GTF2F2: variants seen among roughly 807,000 people sequenced by gnomAD.
GTF2F2 encodes the protein general transcription factor IIF subunit 2, also known as ATP-dependent helicase GTF2F2.
A neutral mutation model predicts 42.2 loss-of-function variants in GTF2F2; 23 were observed. That is an observed-to-expected ratio of 0.55 (90% confidence interval 0.39 to 0.77). The LOEUF (loss-of-function observed/expected upper bound fraction) is 0.77. GTF2F2 is among the 30% of genes least tolerant of loss of function. The pLI, the probability that GTF2F2 is intolerant of heterozygous loss-of-function variation, is 0.00. For missense variants in GTF2F2, 261 were observed against 287.2 expected (o/e 0.91, Z 0.66); for synonymous variants, 105 against 100.8 (o/e 1.04, Z -0.25).
At chr13:45,261,231 C>G (rs1043072006) in intron 6 of GTF2F2, among the ~76,000 whole-genome samples, 1 of 152,000 alleles carries the variant, frequency 6.6e-6, no homozygotes, top group Non-Finnish European at 1.5e-5. Flanking sequence ...TCAAGACCAT[C>G]CTGGCTAACA....
intron 5 of GTF2F2, among the ~76,000 whole-genome samples, chr13:45,245,663 G>A (rs1355296650): frequency 9.8e-6 from 1 of 102,426 alleles, no homozygotes; most frequent in Non-Finnish European, 1.9e-5. Flanking sequence ...ATTCCATGGT[G>A]TGAATATATA....
chr13:45,207,200 C>T (rs1252593570), intron 4 of GTF2F2: 2 of 455,360 alleles, frequency 4.4e-6, no homozygotes, highest in Non-Finnish European at 7.9e-6. Flanking sequence ...GGCAAAGGGC[C>T]ACAGCAGCCT....
intron 7 of GTF2F2, among the ~76,000 whole-genome samples, chr13:45,276,534 TC>T (rs1367393827): frequency 6.6e-6 from 1 of 152,062 alleles, no homozygotes; most frequent in African/African-American, 2.4e-5. Flanking sequence ...CCTCCCGAGT[TC>T]AAGTGATTCT....
chr13:45,163,465 G>A (rs1871129131), intron 4 of GTF2F2, among the ~76,000 whole-genome samples: 1 of 152,042 alleles, frequency 6.6e-6, no homozygotes, highest in Non-Finnish European at 1.5e-5. Context: ...GAACCCAGGA[G>A]GCGGAGGTTG....
chr13:45,185,875 T>G (rs942261585), intron 4 of GTF2F2, among the ~76,000 whole-genome samples: 5 of 152,226 alleles, frequency 3.3e-5, no homozygotes, highest in Admixed American at 2.0e-4. Flanking sequence ...CTAGATGGAT[T>G]TCTCTTAAAA....
At chr13:45,233,695 CT>C (rs1238171842) in intron 5 of GTF2F2, among the ~76,000 whole-genome samples, 1 of 152,202 alleles carries the variant, frequency 6.6e-6, no homozygotes. Context: ...AGGAGGATCC[CT>C]TGAGTCTGGG....
chr13:45,245,680 TATATATATATATATATATATACATATAC>T (rs146275661), intron 5 of GTF2F2, among the ~76,000 whole-genome samples: 16,683 of 124,726 alleles, frequency 0.13, 2,677 homozygotes, highest in African/African-American at 0.46. Context: ...TATATATATA[TATATATATATATATATATATACATATAC>T]ATACACACAC....
At chr13:45,126,219 C>T (rs1868989682) in intron 1 of GTF2F2, among the ~76,000 whole-genome samples, 2 of 150,600 alleles carry the variant, frequency 1.3e-5, no homozygotes, top group South Asian at 4.2e-4. Flanking sequence ...GGCAAAGAAG[C>T]ACCTTGGCTT....
chr13:45,233,616 T>C (rs1593506993), intron 5 of GTF2F2, among the ~76,000 whole-genome samples: 1 of 152,156 alleles, frequency 6.6e-6, no homozygotes, highest in South Asian at 2.1e-4. Context: ...ATACAACTTA[T>C]TATAAAACAA....
At chr13:45,253,328 C>T (rs939382511) in intron 6 of GTF2F2, among the ~76,000 whole-genome samples, 2 of 152,040 alleles carry the variant, frequency 1.3e-5, no homozygotes, top group Non-Finnish European at 2.9e-5. Flanking sequence ...AAAAATTATT[C>T]TATACCTTTG....
Position 45,124,244 on chromosome 13 carries a change from G to T in GTF2F2, c.66+3523G>T. The stretch of plus-strand genomic sequence containing the variant: ...ACTATAGGTGCCTGCTACCACGCCC[G>T]GCTAATTTTTTGTATTTTTAGTAGA... On this transcript the variant is annotated intron_variant, in intron 1 of 7. Coordinates refer to ENST00000340473, the MANE Select transcript of GTF2F2 (RefSeq NM_004128.3). 5 of 295,576 alleles carry T rather than the reference G, an allele frequency of 1.7e-5. No homozygotes were observed. The South Asian group carries it at 1.8e-4, about 10-fold the overall frequency. The allele number at this position is 295,576 out of a possible 1,614,324, so 18.3% of individuals were successfully genotyped here. A position where few individuals can be genotyped will look rare whatever the true frequency, so the allele number is the denominator to read the frequency against.
chr13:45,168,771 CCTGG>C (rs1555266050), intron 4 of GTF2F2, among the ~76,000 whole-genome samples: 1 of 149,334 alleles, frequency 6.7e-6, no homozygotes, highest in Non-Finnish European at 1.5e-5. Context: ...TGCCACCACA[CCTGG>C]CTGGCTTCCT....
chr13:45,126,703 A>G (rs1357048539), intron 1 of GTF2F2, among the ~76,000 whole-genome samples: 1 of 152,246 alleles, frequency 6.6e-6, no homozygotes, highest in East Asian at 1.9e-4. Flanking sequence ...CTTATAGCCC[A>G]GTATAGGAGA....
At position 45,149,638 on chromosome 13, in the gene GTF2F2, G is replaced by C; in HGVS notation, c.141-132G>C. 4.6e-6 allele frequency: 4 copies of C among 868,122 alleles called. No homozygotes were observed. The South Asian group carries it at 7.8e-5, about 17-fold the overall frequency. The allele number at this position is 868,122 out of a possible 1,614,324, so 53.8% of individuals were successfully genotyped here. ...AATAGGATAGTTGTGGGGAGTCAAG[G>C]GTAAATATTGGTTAATCTCTGTAAA... is the stretch of plus-strand genomic sequence containing the variant. On this transcript the variant is annotated intron_variant, in intron 2 of 7. Coordinates refer to ENST00000340473, the MANE Select transcript of GTF2F2 (RefSeq NM_004128.3).
At chr13:45,223,285 AAG>A (rs1190776306) in intron 5 of GTF2F2, among the ~76,000 whole-genome samples, 5,138 of 147,288 alleles carry the variant, frequency 0.035, 82 homozygotes, top group Non-Finnish European at 0.057. Context: ...AAAAAAAAAA[AAG>A]TTGATTTTTA....
chr13:45,149,385 G>C (rs1189508494), intron 2 of GTF2F2, among the ~76,000 whole-genome samples: 1 of 147,664 alleles, frequency 6.8e-6, no homozygotes, highest in East Asian at 2.0e-4. Flanking sequence ...CAAGACTGCA[G>C]TGAGCCATGA....
At chr13:45,210,410 C>A (rs923798040) in intron 5 of GTF2F2, among the ~76,000 whole-genome samples, 3 of 152,112 alleles carry the variant, frequency 2.0e-5, no homozygotes, top group Non-Finnish European at 2.9e-5. Flanking sequence ...GCCGCCTCAC[C>A]CCTTTCATGT....
At position 45,255,166 on chromosome 13, in the gene GTF2F2, CAAA is replaced by C. The variant is rs55795620; in HGVS notation, c.486+2218_486+2220del. On this transcript the variant is annotated intron_variant, in intron 6 of 7. Transcript: ENST00000340473. ...GGGGGACAAGAGTGAGACTTTGTCT[CAAA>C]AAAAAAAAAAAAAAAAAAAAAGACT... Among the ~76,000 whole-genome samples, 627 of 76,014 alleles carry C rather than the reference CAAA, an allele frequency of 8.2e-3. 4 individuals carry two copies. Among genetic ancestry groups the C allele is most frequent in the East Asian group, 0.037 (66 of 1,776 alleles). 49.9% of individuals were successfully genotyped at this position (76,014 alleles called of 152,430 possible).
At chr13:45,175,385 G>C (rs1413926679) in intron 4 of GTF2F2, among the ~76,000 whole-genome samples, 1 of 152,154 alleles carries the variant, frequency 6.6e-6, no homozygotes, top group East Asian at 1.9e-4. Context: ...ATTGTGAATA[G>C]TGCTGCAATA....
Sources: gnomAD v4.1 joint callset for allele counts (sites outside exome capture counted in the v4.1 genomes callset) on GRCh38, gnomAD v4.1.1 for gene constraint, MANE v1.5 for transcripts, NCBI Gene and HGNC (gene_info 2026-07-23, HGNC 2026-07-21) for gene names.